Variants in CDH4 observed in about 807,000 individuals in gnomAD.
CDH4 encodes the protein cadherin-4.
In CDH4, 33 loss-of-function variants were observed where a neutral mutation model predicts 86.0. That is an observed-to-expected ratio of 0.38 (90% CI 0.29 to 0.51). CDH4 has a LOEUF of 0.51. Ranked by LOEUF, CDH4 falls within the 20% of genes least tolerant of loss-of-function variation. CDH4 has a pLI of 0.86. For synonymous variants in CDH4, 555 were observed against 549.4 expected (o/e 1.01, Z -0.14); for missense variants, 1,114 against 1,307.4 (o/e 0.85, Z 2.28).
At position 61,684,323 on chromosome 20, in the gene CDH4, G is replaced by T. The variant is rs1294395961; in HGVS notation, c.170-59240G>T. 6.6e-6 allele frequency among the ~76,000 whole-genome samples: 1 copy of T among 152,208 alleles called. No individual in the cohort carries two copies. The highest frequency in any genetic ancestry group is 1.5e-5 in the Non-Finnish European group (1 of 68,038). Reference sequence around the variant, plus strand: ...CATGCGACTGAGCCCTGTGGGAAGAGCAGGGGGGCCGCCCAGCTAAGGAAG... The same window carrying T: ...CATGCGACTGAGCCCTGTGGGAAGATCAGGGGGGCCGCCCAGCTAAGGAAG... On this transcript the variant is annotated intron_variant, in intron 2 of 15. Coordinates refer to ENST00000614565, the MANE Select transcript of CDH4 (RefSeq NM_001794.5). The surrounding 1 kb of genome is among the most constrained non-coding windows in gnomAD (Gnocchi z 4.5).
chr20:61,355,784 C>T (rs971090117), intron 2 of CDH4, among the ~76,000 whole-genome samples: 14 of 152,234 alleles, frequency 9.2e-5, no homozygotes, highest in African/African-American at 3.4e-4. Context: ...TGCACCTGCA[C>T]ACACATGCGT....
At chr20:61,618,047 C>G (rs1435793606) in intron 2 of CDH4, among the ~76,000 whole-genome samples, 1 of 152,144 alleles carries the variant, frequency 6.6e-6, no homozygotes, top group Non-Finnish European at 1.5e-5. Flanking sequence ...GATTGCGAGG[C>G]CTCCCCAGCC....
At chr20:61,439,720 G>A (rs1038281663) in intron 2 of CDH4, among the ~76,000 whole-genome samples, 4 of 152,218 alleles carry the variant, frequency 2.6e-5, no homozygotes, top group Non-Finnish European at 4.4e-5. Context: ...TTCAAGGGCT[G>A]GGCATAAGCC....
At chr20:61,354,152 C>T (rs1268654503) in intron 2 of CDH4, among the ~76,000 whole-genome samples, 8 of 151,302 alleles carry the variant, frequency 5.3e-5, no homozygotes, top group Admixed American at 2.6e-4. Context: ...TGCCGCCGAC[C>T]GTCCTACAGT....
chr20:61,800,635 G>A (rs1979779551), intron 4 of CDH4, among the ~76,000 whole-genome samples: 1 of 152,214 alleles, frequency 6.6e-6, no homozygotes, highest in South Asian at 2.1e-4. Context: ...CTGCCCTTAG[G>A]ACCTGACAAC....
At chr20:61,837,761 ACC>A (rs34025235) in intron 4 of CDH4, among the ~76,000 whole-genome samples, 3 of 150,576 alleles carry the variant, frequency 2.0e-5, no homozygotes, top group Admixed American at 6.6e-5. Context: ...AGAACAGAGC[ACC>A]CCCCCCGTGG....
intron 2 of CDH4, among the ~76,000 whole-genome samples, chr20:61,586,771 A>G (rs1005663637): frequency 9.2e-5 from 14 of 152,222 alleles, no homozygotes; most frequent in African/African-American, 3.4e-4. Context: ...TTGCCCTTGG[A>G]AAAGTCACCA....
At position 61,902,572 on chromosome 20, in the gene CDH4, G is replaced by A. The variant is rs2054738285; in HGVS notation, c.1188+7525G>A. ...CTGGAGAGTAAATGTTTGCGCTTTG[G>A]CTGCCGGAAGGTCTCCGTGGCAACT... On this transcript the variant is annotated intron_variant, in intron 8 of 15. Transcript: ENST00000614565. This position sits in a 1 kb window ranked among gnomAD's most constrained non-coding sequence, Gnocchi z 4.6. Among the ~76,000 whole-genome samples, 1 of 152,230 alleles carries A rather than the reference G, an allele frequency of 6.6e-6. No individual in the cohort carries two copies. The highest frequency in any genetic ancestry group is 1.5e-5 in the Non-Finnish European group (1 of 68,042).
chr20:61,716,989 C>T (rs951491471), intron 2 of CDH4, among the ~76,000 whole-genome samples: 4 of 152,194 alleles, frequency 2.6e-5, no homozygotes, highest in Non-Finnish European at 5.9e-5. Flanking sequence ...GGTTCTTGGG[C>T]AGGCATTCAC....
chr20:61,534,830 G>C (rs1233392154), intron 2 of CDH4, among the ~76,000 whole-genome samples: 2 of 124,392 alleles, frequency 1.6e-5, no homozygotes, highest in Non-Finnish European at 3.4e-5. Flanking sequence ...TTGCTGGGAC[G>C]CTCCTTTGGA....
rs770671856 is a variant in CDH4 at position 61,910,457 on chromosome 20, C to T, written c.1224C>T (p.Thr408=). ...AGGTCCCCGAAAACCGCGTGGAGAC[C>T]GTGGTCGCAAACCTCACGGTGATGG... ...AGEVPENRVE[T]VVANLTVMDR... The change falls in exon 9 of 16, where the codon ACC becomes ACT. Residue 408 remains threonine, a synonymous_variant. Transcript: ENST00000614565. 8.7e-6 allele frequency: 14 copies of T among 1,613,760 alleles called. No individual in the cohort carries two copies. The highest frequency in any genetic ancestry group is 2.7e-5 in the African/African-American group (2 of 74,940).
chr20:61,565,199 G>A lies in CDH4; in HGVS notation c.170-178364G>A, dbSNP rs1185817659. Among the ~76,000 whole-genome samples the A allele has an allele frequency of 2.6e-3, 121 of 46,852 alleles. 18 individuals carry two copies. Among genetic ancestry groups the A allele is most frequent in the South Asian group, 7.3e-3 (8 of 1,090 alleles). 30.7% of individuals were successfully genotyped at this position (46,852 alleles called of 152,430 possible). On this transcript the variant is annotated intron_variant, in intron 2 of 15. Transcript: ENST00000614565. ...GGTGGTGGTGGTGGTCCTCTTGGTG[G>A]TGGTCGCGGTGCTCTCGGTGGTAGG...
chr20:61,364,683 A>C (rs921435835), intron 2 of CDH4, among the ~76,000 whole-genome samples: 6 of 152,212 alleles, frequency 3.9e-5, no homozygotes, highest in Admixed American at 2.6e-4. Flanking sequence ...TGCTTTTTTA[A>C]ACCCCAGGGT....
chr20:61,565,552 C>T (rs554012976), intron 2 of CDH4, among the ~76,000 whole-genome samples: 7 of 152,182 alleles, frequency 4.6e-5, no homozygotes, highest in Admixed American at 1.3e-4. Context: ...CCCACTTGCA[C>T]ACCTGAGGCC....
intron 12 of CDH4, among the ~76,000 whole-genome samples, chr20:61,929,109 AT>A (rs1360169978): frequency 1.0e-4 from 15 of 149,294 alleles, no homozygotes; most frequent in African/African-American, 3.4e-4. Flanking sequence ...TCAGGAAATT[AT>A]TTCTTCATCC....
chr20:61,558,246 C>A (rs1018430189), intron 2 of CDH4, among the ~76,000 whole-genome samples: 1 of 152,124 alleles, frequency 6.6e-6, no homozygotes, highest in African/African-American at 2.4e-5. Context: ...AGAGAATACT[C>A]AAGAATTCAC....
At position 61,789,878 on chromosome 20, in the gene CDH4, T is replaced by C. The variant is rs55900892; in HGVS notation, c.576+16696T>C. Among the ~76,000 whole-genome samples, 544 of 152,322 alleles carry C rather than the reference T, an allele frequency of 3.6e-3. 2 individuals are homozygous for C. The highest frequency in any genetic ancestry group is 0.012 in the African/African-American group (511 of 41,566). On this transcript the variant is annotated intron_variant, in intron 4 of 15. Coordinates refer to ENST00000614565, the MANE Select transcript of CDH4 (RefSeq NM_001794.5). ...TATAAATAAGTAGCTAGGTGAAGAC[T>C]TAGGTTTTCTATGAAAAATAATGGA...
At chr20:61,797,518 G>A (rs920551246) in intron 4 of CDH4, among the ~76,000 whole-genome samples, 3 of 152,216 alleles carry the variant, frequency 2.0e-5, no homozygotes, top group Admixed American at 2.0e-4. Context: ...CCGGCCTCTG[G>A]CAGTGGCTCA....
intron 2 of CDH4, among the ~76,000 whole-genome samples, chr20:61,292,182 G>A (rs1408754588): frequency 6.6e-6 from 1 of 152,088 alleles, no homozygotes; most frequent in South Asian, 2.1e-4. Flanking sequence ...ACACATGCAC[G>A]CAAATATTCA....
Sources: gnomAD v4.1 joint callset for allele counts (sites outside exome capture counted in the v4.1 genomes callset) on GRCh38, gnomAD v4.1.1 for gene constraint, Gnocchi (gnomAD v3.1) non-coding constraint, MANE v1.5 for transcripts, NCBI Gene and HGNC (gene_info 2026-07-23, HGNC 2026-07-21) for gene names.